CNEP1R1: variants seen among roughly 807,000 people sequenced by gnomAD.
CNEP1R1 encodes CTD nuclear envelope phosphatase 1 regulatory subunit 1, also known as nuclear envelope phosphatase-regulatory subunit 1.
CNEP1R1 carries 10 observed loss-of-function variants against 22.7 expected under a neutral mutation model. The ratio of observed to expected loss-of-function variants is 0.44; its 90% CI spans 0.27 to 0.75. CNEP1R1 has a LOEUF of 0.75. Among genes scored for constraint, CNEP1R1 ranks in the 30% least tolerant of loss-of-function variants. The pLI is 0.17. For missense variants in CNEP1R1, 73 were observed against 151.5 expected, an observed-to-expected ratio of 0.48 and a Z score of 2.72; for synonymous variants, 53 against 50.1, an observed-to-expected ratio of 1.06 and a Z score of -0.25.
In CNEP1R1 at chr16:50,033,408, C is replaced by T; in HGVS notation, c.183C>T (p.Phe61=). 1.3e-6 allele frequency: 2 copies of T among 1,573,754 alleles called. No individual in the cohort carries two copies. Among genetic ancestry groups the T allele is most frequent in the Non-Finnish European group, 1.7e-6 (2 of 1,146,744 alleles). The stretch of plus-strand genomic sequence containing the variant: ...CTCTTCTTTTACAGGTGTCCTTCTT[C>T]ACATCATTATGGAATCACCCATTTT... ...IDPETQKVSF[F]TSLWNHPFFT... is the part of the protein sequence containing the mutation. Residue 61 remains phenylalanine (F), a synonymous_variant, in exon 4 of 6, where the codon TTC becomes TTT. Coordinates refer to ENST00000427478, the MANE Select transcript of CNEP1R1 (RefSeq NM_001281789.2).
chr16:50,025,541 C>A, intron 1 of CNEP1R1: 1 of 1,194,738 alleles, frequency 8.4e-7, no homozygotes, highest in Non-Finnish European at 1.2e-6. Flanking sequence ...TCCCCACAAA[C>A]CTAGAGGGTC....
At chr16:50,029,312 T>C (rs2036212428) in intron 2 of CNEP1R1, among the ~76,000 whole-genome samples, 1 of 152,218 alleles carries the variant, frequency 6.6e-6, no homozygotes, top group African/African-American at 2.4e-5. Context: ...TAGTCAGTCT[T>C]CTCAGTACAT....
chr16:50,030,346 A>G (rs1020070181), intron 3 of CNEP1R1, among the ~76,000 whole-genome samples: 16 of 152,116 alleles, frequency 1.1e-4, no homozygotes, highest in African/African-American at 3.6e-4. Flanking sequence ...AGGTGGGAGG[A>G]TCACTTGAGC....
chr16:50,035,181 G>A (rs981409931), intron 5 of CNEP1R1, among the ~76,000 whole-genome samples: 8 of 152,172 alleles, frequency 5.3e-5, no homozygotes, highest in East Asian at 3.9e-4. Context: ...GCAAGACACC[G>A]TCTCTACAAA....
chr16:50,027,264 C>A (rs9940389), intron 2 of CNEP1R1, among the ~76,000 whole-genome samples: 1 of 152,018 alleles, frequency 6.6e-6, no homozygotes, highest in Non-Finnish European at 1.5e-5. Context: ...AATCCCAACA[C>A]TTTGGTAGGC....
intron 4 of CNEP1R1, among the ~76,000 whole-genome samples, chr16:50,033,778 C>T (rs1461899157): frequency 1.3e-5 from 2 of 150,568 alleles, no homozygotes; most frequent in East Asian, 2.0e-4. Context: ...GTGGGAGAAT[C>T]GCTTGAACCC....
At chr16:50,029,584 C>T in intron 2 of CNEP1R1, 141 bp from the exon 3 acceptor site, 1 of 490,740 alleles carries the variant, frequency 2.0e-6, no homozygotes, top group Non-Finnish European at 3.7e-6. Flanking sequence ...GGCAAGCCTT[C>T]TAATTCCTGA....
chr16:50,037,072 TTATATA>T lies in CNEP1R1; in HGVS notation c.*1617_*1622del, dbSNP rs2036286247. Reference sequence around the variant, plus strand: ...AATATGTGCATTAAAAATAAATACTTTATATATAACTCGTGATTGGACTTTTTCTTT... The same window carrying T: ...AATATGTGCATTAAAAATAAATACTTTAACTCGTGATTGGACTTTTTCTTT... On this transcript the variant is annotated 3_prime_UTR_variant, in exon 6 of 6. Transcript: ENST00000427478. 1 of 139,894 alleles carries T rather than the reference TTATATA, an allele frequency of 7.1e-6. No homozygotes were observed. The highest frequency in any genetic ancestry group is 2.4e-4 in the South Asian group (1 of 4,214). 8.7% of individuals were successfully genotyped at this position (139,894 alleles called of 1,614,324 possible). A position where few individuals can be genotyped will look rare whatever the true frequency, so the allele number is the denominator to read the frequency against.
At chr16:50,031,757 G>GC (rs11406809) in intron 3 of CNEP1R1, among the ~76,000 whole-genome samples, 152,271 of 152,290 alleles carry the variant, frequency 1, 76,126 homozygotes, top group Middle Eastern at 1. Context: ...AAACTCAGGA[G>GC]CAGTGGCTAG....
intron 3 of CNEP1R1, among the ~76,000 whole-genome samples, chr16:50,032,178 G>T (rs2036236371): frequency 6.6e-6 from 1 of 152,132 alleles, no homozygotes; most frequent in Non-Finnish European, 1.5e-5. Context: ...AGAGTGGAGT[G>T]GGGATGTGCT....
chr16:50,026,130 A>T, intron 1 of CNEP1R1: 1 of 456,982 alleles, frequency 2.2e-6, no homozygotes, highest in Non-Finnish European at 3.9e-6. Flanking sequence ...TATTTCTCCC[A>T]ATACCATTTA....
At chr16:50,034,077 T>G (rs2036255379) in intron 4 of CNEP1R1, 25 bp from the exon 5 acceptor site, 3 of 1,570,762 alleles carry the variant, frequency 1.9e-6, no homozygotes, top group South Asian at 1.2e-5. Flanking sequence ...AAATGAGAAA[T>G]TTTCCTTTGA....
chr16:50,025,468 C>T (rs758378784), intron 1 of CNEP1R1, 128 bp downstream of exon 1: 81 of 1,190,228 alleles, frequency 6.8e-5, no homozygotes, highest in Middle Eastern at 5.8e-4. Flanking sequence ...GGGCCCGGAG[C>T]TTGGGGGCGC....
chr16:50,026,398 C>T lies in CNEP1R1; in HGVS notation c.28C>T (p.Leu10Phe). 1 of 1,605,408 alleles carries T rather than the reference C, an allele frequency of 6.2e-7. No homozygotes were observed. Among genetic ancestry groups the T allele is most frequent in the Non-Finnish European group, 8.5e-7 (1 of 1,174,808 alleles). The change falls in exon 2 of 6, where the codon CTC (leucine) becomes TTC (phenylalanine). Residue 10 changes from leucine (L) to phenylalanine (F), a missense_variant and splice_region_variant. By Grantham distance (22) the Leu-to-Phe change is conservative. Transcript: ENST00000427478. MNSLEQAED[L>F]KAFERRLTEY... is the part of the protein sequence containing the mutation. The stretch of plus-strand genomic sequence containing the variant: ...AAAATTGACATCTTTATACCTAGAT[C>T]TCAAGGCTTTTGAGAGGAGACTTAC...
intron 2 of CNEP1R1, among the ~76,000 whole-genome samples, chr16:50,028,239 G>T (rs1464676586): frequency 2.0e-5 from 3 of 152,196 alleles, no homozygotes; most frequent in Non-Finnish European, 4.4e-5. Context: ...AGGATTACAG[G>T]TGTGAGCCAC....
intron 3 of CNEP1R1, among the ~76,000 whole-genome samples, chr16:50,031,256 A>G (rs2036228935): frequency 1.3e-5 from 2 of 152,222 alleles, no homozygotes; most frequent in Non-Finnish European, 2.9e-5. Context: ...GGCAATTCAG[A>G]CAGCCAGAGA....
chr16:50,034,247 A>G (rs2036257270), intron 5 of CNEP1R1, 91 bp downstream of exon 5: 2 of 775,234 alleles, frequency 2.6e-6, no homozygotes, highest in African/African-American at 3.5e-5. Flanking sequence ...TTAGCAATAA[A>G]TTTTCTCTGT....
intron 3 of CNEP1R1, among the ~76,000 whole-genome samples, chr16:50,030,516 TA>T (rs2036222442): frequency 1.3e-5 from 2 of 152,156 alleles, no homozygotes; most frequent in Admixed American, 1.3e-4. Flanking sequence ...CTTCATCCCA[TA>T]AAACACTGGA....
chr16:50,036,546 T>G lies in CNEP1R1; in HGVS notation c.*1088T>G, dbSNP rs2036280883. On this transcript the variant is annotated 3_prime_UTR_variant, in exon 6 of 6. Transcript: ENST00000427478. Reference sequence around the variant, plus strand: ...AGTCATTGTTTTAGATAACTGGATTTTACGCTGTGGTAGACAGGCTGTGAC... The same window carrying G: ...AGTCATTGTTTTAGATAACTGGATTGTACGCTGTGGTAGACAGGCTGTGAC... 1 of 152,186 alleles carries G rather than the reference T, an allele frequency of 6.6e-6. No individual in the cohort carries two copies. The highest frequency in any genetic ancestry group is 2.1e-4 in the South Asian group (1 of 4,830). 9.4% of individuals were successfully genotyped at this position (152,186 alleles called of 1,614,324 possible).
Sources: allele counts gnomAD v4.1 joint callset (sites outside exome capture counted in the v4.1 genomes callset), GRCh38; gene constraint gnomAD v4.1.1; transcripts MANE v1.5; gene names NCBI Gene and HGNC (gene_info 2026-07-23, HGNC 2026-07-21).